Variants in LAYN observed in about 807,000 individuals in gnomAD.
LAYN encodes the protein layilin.
A neutral mutation model predicts 43.6 loss-of-function variants in LAYN; 38 were observed. That is an observed-to-expected ratio of 0.87 (90% CI 0.67 to 1.14). The LOEUF (loss-of-function observed/expected upper bound fraction) is 1.14, where lower values mean the gene tolerates loss of function less well. LAYN is among the 50% of genes most tolerant of loss of function. The pLI, the probability that LAYN is intolerant of heterozygous loss-of-function variation, is 0.00. For synonymous variants in LAYN, 168 were observed against 172.9 expected (o/e 0.97, Z 0.22); for missense variants, 479 against 463.8 (o/e 1.03, Z -0.30).
intron 3 of LAYN, among the ~76,000 whole-genome samples, chr11:111,552,434 C>T (rs1279036723): frequency 1.3e-5 from 2 of 152,186 alleles, no homozygotes; most frequent in East Asian, 1.9e-4. Flanking sequence ...CAGGAGGGCG[C>T]ATCATCCCAT....
chr11:111,548,529 G>A (rs948280472), intron 2 of LAYN, among the ~76,000 whole-genome samples: 1 of 152,226 alleles, frequency 6.6e-6, no homozygotes, highest in African/African-American at 2.4e-5. Flanking sequence ...CAGCTGTCCA[G>A]TCATAGTATC....
At chr11:111,541,474 G>A (rs2135787758) in intron 1 of LAYN, 3 of 1,318,046 alleles carry the variant, frequency 2.3e-6, no homozygotes, top group South Asian at 2.5e-5. Flanking sequence ...CTTAGAGATC[G>A]GGAAAGAACT....
chr11:111,547,494 A>C (rs974348147), intron 2 of LAYN, among the ~76,000 whole-genome samples: 1 of 152,222 alleles, frequency 6.6e-6, no homozygotes, highest in Non-Finnish European at 1.5e-5. Context: ...CAAGACCATA[A>C]GTATATACTG....
chr11:111,542,782 G>C (rs942119580), intron 1 of LAYN, among the ~76,000 whole-genome samples: 4 of 152,210 alleles, frequency 2.6e-5, no homozygotes, highest in Admixed American at 6.5e-5. Flanking sequence ...AACATATGCT[G>C]TGTGCTCCTG....
chr11:111,554,385 T>G (rs964183924), intron 3 of LAYN, among the ~76,000 whole-genome samples, 176 bp from the exon 4 acceptor site: 1 of 152,232 alleles, frequency 6.6e-6, no homozygotes, highest in African/African-American at 2.4e-5. Flanking sequence ...TTAGTCTTTG[T>G]GCAAAAGCAA....
At chr11:111,541,112 C>G (rs1294497045) in intron 1 of LAYN, among the ~76,000 whole-genome samples, 184 bp downstream of exon 1, 3 of 152,256 alleles carry the variant, frequency 2.0e-5, no homozygotes, top group African/African-American at 7.2e-5. Flanking sequence ...GAGACCCACG[C>G]CAGTTCCCGG....
intron 1 of LAYN, among the ~76,000 whole-genome samples, chr11:111,542,658 C>T (rs1867568644): frequency 6.6e-6 from 1 of 152,130 alleles, no homozygotes; most frequent in Non-Finnish European, 1.5e-5. Flanking sequence ...AATATTTTAC[C>T]CCCGGCACTG....
intron 1 of LAYN, chr11:111,541,189 G>C (rs1022151818): frequency 1.2e-5 from 7 of 593,384 alleles, no homozygotes; most frequent in African/African-American, 5.6e-5. Context: ...TTATGGGGGT[G>C]GGTTGGAGAA....
intron 3 of LAYN, 145 bp downstream of exon 3, chr11:111,549,920 A>T (rs1303807002): frequency 1.5e-5 from 12 of 815,414 alleles, no homozygotes; most frequent in Non-Finnish European, 2.3e-5. Context: ...GAATTCTTGT[A>T]AAGGGCAATG....
At chr11:111,541,463 G>A in intron 1 of LAYN, 1 of 1,203,462 alleles carries the variant, frequency 8.3e-7, no homozygotes, top group South Asian at 1.3e-5. Context: ...GTATGAGAGC[G>A]CTTAGAGATC....
intron 1 of LAYN, among the ~76,000 whole-genome samples, chr11:111,542,526 T>C (rs1286676043): frequency 6.6e-6 from 1 of 151,834 alleles, no homozygotes; most frequent in Non-Finnish European, 1.5e-5. Context: ...CTGTGGCCCC[T>C]TGCCCTATAT....
chr11:111,552,561 G>T (rs679032), intron 3 of LAYN, among the ~76,000 whole-genome samples: 83,799 of 152,144 alleles, frequency 0.55, 25,076 homozygotes, highest in East Asian at 0.96. Flanking sequence ...TACTTCTGGG[G>T]TGTGCTAAAG....
intron 2 of LAYN, among the ~76,000 whole-genome samples, chr11:111,547,940 G>A (rs757057797): frequency 5.3e-5 from 8 of 152,126 alleles, no homozygotes; most frequent in Non-Finnish European, 8.8e-5. Context: ...ACCAAGAGAC[G>A]ACGCAGCTCA....
intron 1 of LAYN, among the ~76,000 whole-genome samples, chr11:111,541,927 A>G (rs956216627): frequency 2.6e-5 from 4 of 152,124 alleles, no homozygotes; most frequent in Non-Finnish European, 5.9e-5. Context: ...TCCTGAAGGC[A>G]GGAGAACCAG....
chr11:111,557,753 A>G (rs1867872787), intron 6 of LAYN, 110 bp downstream of exon 6: 1 of 877,858 alleles, frequency 1.1e-6, no homozygotes, highest in Non-Finnish European at 1.9e-6. Flanking sequence ...GAGTATCACC[A>G]TTGCAGATTG....
intron 2 of LAYN, among the ~76,000 whole-genome samples, chr11:111,545,538 G>A (rs1867636130): frequency 6.6e-6 from 1 of 152,158 alleles, no homozygotes; most frequent in Non-Finnish European, 1.5e-5. Flanking sequence ...TCCTCCCGAT[G>A]GTTAGGGCCA....
chr11:111,545,707 T>A (rs528732752), intron 2 of LAYN, among the ~76,000 whole-genome samples: 23 of 152,274 alleles, frequency 1.5e-4, no homozygotes, highest in African/African-American at 5.5e-4. Flanking sequence ...AACTTCCAGA[T>A]CCCAGTGTTG....
At chr11:111,554,738 A>T in intron 4 of LAYN, 145 bp downstream of exon 4, 1 of 651,702 alleles carries the variant, frequency 1.5e-6, no homozygotes, top group South Asian at 2.1e-5. Context: ...GGTATACACC[A>T]CACCCAGCCA....
rs769803160 is a variant in LAYN at position 111,560,266 on chromosome 11, G to A, written c.933G>A (p.Ser311=). Residue 311 remains serine (S), a synonymous_variant, in exon 7 of 7, where the codon TCG becomes TCA. Coordinates refer to ENST00000375614, the MANE Select transcript of LAYN (RefSeq NM_178834.5). ...AGAATATTTCATTCCGAGTGTGTTC[G>A]GGAGAAGCCACTCCCGATGACATGT... is the stretch of plus-strand genomic sequence containing the variant. ...DLKNISFRVC[S]GEATPDDMSC... 19 of 1,614,032 alleles carry A rather than the reference G, an allele frequency of 1.2e-5. 1 individual carries two copies. Among genetic ancestry groups the A allele is most frequent in the African/African-American group, 5.3e-5 (4 of 74,896 alleles).
Sources: gnomAD v4.1 joint callset for allele counts (sites outside exome capture counted in the v4.1 genomes callset) on GRCh38, gnomAD v4.1.1 for gene constraint, MANE v1.5 for transcripts, NCBI Gene and HGNC (gene_info 2026-07-23, HGNC 2026-07-21) for gene names.